The following OAS2 variants were observed in gnomAD, a reference collection of about 807,000 sequenced individuals.
OAS2 encodes the protein 2'-5'-oligoadenylate synthase 2.
In OAS2, 67 loss-of-function variants were observed where a neutral mutation model predicts 71.3. The observed-to-expected ratio is 0.94, with a 90% CI of 0.77 to 1.15. The LOEUF (loss-of-function observed/expected upper bound fraction) is 1.15. Ranked by LOEUF, OAS2 falls within the 50% of genes most tolerant of loss-of-function variation. The pLI is 0.00. For synonymous variants in OAS2, 327 were observed against 321.8 expected (o/e 1.02, Z -0.17); for missense variants, 789 against 822.5 (o/e 0.96, Z 0.50).
chr12:112,991,392 G>A (rs1321568563), intron 2 of OAS2, among the ~76,000 whole-genome samples: 1 of 152,218 alleles, frequency 6.6e-6, no homozygotes, highest in Non-Finnish European at 1.5e-5. Context: ...TTGAGGATGC[G>A]CACCCGTAAC....
At chr12:112,999,901 C>G (rs1293753) in intron 5 of OAS2, among the ~76,000 whole-genome samples, 1 of 152,134 alleles carries the variant, frequency 6.6e-6, no homozygotes, top group Non-Finnish European at 1.5e-5. Flanking sequence ...GTTGTTGTTA[C>G]AGTTGTTTTT....
At chr12:113,004,293 C>T (rs1263120076) in intron 6 of OAS2, among the ~76,000 whole-genome samples, 1 of 152,134 alleles carries the variant, frequency 6.6e-6, no homozygotes, top group African/African-American at 2.4e-5. Flanking sequence ...CTTTCCTCAC[C>T]TCCTTAACCC....
chr12:113,005,950 A>C (rs2044331167), intron 7 of OAS2, among the ~76,000 whole-genome samples: 2 of 144,244 alleles, frequency 1.4e-5, no homozygotes, highest in South Asian at 4.4e-4. Flanking sequence ...AAAAAAAAAA[A>C]ACAAGAAGCA....
Position 113,010,110 on chromosome 12 carries a change from G to A in OAS2, c.*855G>A, listed in dbSNP as rs1214827678. On this transcript the variant is annotated 3_prime_UTR_variant, in exon 10 of 10. Coordinates refer to ENST00000392583, the MANE Select transcript of OAS2 (RefSeq NM_002535.3). ...TAAAAGTGTCTTGAGACTTTATCAT[G>A]TGTCTTCTGCCCTAGGTGAGAACCC... is the stretch of plus-strand genomic sequence containing the variant. 42 of 1,139,806 alleles carry A rather than the reference G, an allele frequency of 3.7e-5. No individual in the cohort carries two copies. Among genetic ancestry groups the A allele is most frequent in the Admixed American group, 9.0e-5 (2 of 22,212 alleles). 70.6% of individuals were successfully genotyped at this position (1,139,806 alleles called of 1,614,324 possible). A position where few individuals can be genotyped will look rare whatever the true frequency, so the allele number is the denominator to read the frequency against.
intron 1 of OAS2, among the ~76,000 whole-genome samples, chr12:112,985,955 G>A (rs114510816): frequency 0.014 from 2,104 of 152,282 alleles, 54 homozygotes; most frequent in African/African-American, 0.048. Flanking sequence ...CTAGGTGACA[G>A]AGCAAGACCC....
chr12:112,983,025 C>CT (rs1354768841), intron 1 of OAS2, among the ~76,000 whole-genome samples: 1 of 152,062 alleles, frequency 6.6e-6, no homozygotes. Context: ...GTAATGTCTC[C>CT]TTTTTTATCC....
intron 1 of OAS2, among the ~76,000 whole-genome samples, chr12:112,979,428 T>G (rs2044058914): frequency 6.6e-6 from 1 of 152,134 alleles, no homozygotes; most frequent in African/African-American, 2.4e-5. Context: ...CACTTTTTGG[T>G]CTCTACCCCT....
rs1042743639 is a variant in OAS2, at chr12:113,009,170, C to T, written c.1979C>T (p.Ala660Val). The part of the protein sequence containing the change: ...RWCWHLLAKE[A>V]KEWLSSPCFK... ...TGTTGGCATCTTCTGGCAAAAGAAG[C>T]AAAGGAATGGTTATCCTCTCCCTGC... The change falls in exon 10 of 10, where the codon GCA (alanine) becomes GTA (valine). Residue 660 changes from alanine (A) to valine (V), a missense_variant. Transcript: ENST00000392583. 5.0e-6 allele frequency: 8 copies of T among 1,614,078 alleles called. No individual in the cohort carries two copies. The highest frequency in any genetic ancestry group is 2.2e-5 in the East Asian group (1 of 44,884).
chr12:112,979,763 C>G (rs557903729), intron 1 of OAS2, among the ~76,000 whole-genome samples: 1 of 152,160 alleles, frequency 6.6e-6, no homozygotes, highest in Non-Finnish European at 1.5e-5. Flanking sequence ...CCTGGGCCCC[C>G]GATCCAGTCA....
rs1255169491 is a variant in OAS2 at position 113,009,505 on chromosome 12, G to A, written c.*250G>A. On this transcript the variant is annotated 3_prime_UTR_variant, in exon 10 of 10. Coordinates refer to ENST00000392583, the MANE Select transcript of OAS2 (RefSeq NM_002535.3). ...AGATGCCACTAGCCCTCCTCTCCCA[G>A]TGACAACCAAAAGTCTTCAGACATT... is the stretch of plus-strand genomic sequence containing the variant. 3 of 1,184,186 alleles carry A rather than the reference G, an allele frequency of 2.5e-6. No homozygotes were observed. The African/African-American group carries it at 4.8e-5, about 19-fold the overall frequency. 73.4% of individuals were successfully genotyped at this position (1,184,186 alleles called of 1,614,324 possible). A position where few individuals can be genotyped will look rare whatever the true frequency, so the allele number is the denominator to read the frequency against.
chr12:112,986,384 G>C (rs1370897772), intron 1 of OAS2, among the ~76,000 whole-genome samples: 2 of 152,206 alleles, frequency 1.3e-5, no homozygotes, highest in Non-Finnish European at 1.5e-5. Flanking sequence ...GGGCCCCCAG[G>C]TGGCTTGTTT....
At chr12:112,979,137 G>A (rs1429674955) in intron 1 of OAS2, among the ~76,000 whole-genome samples, 1 of 152,218 alleles carries the variant, frequency 6.6e-6, no homozygotes, top group Non-Finnish European at 1.5e-5. Context: ...CCTCTCCACA[G>A]TACAGAGGAG....
chr12:113,008,052 G>C, intron 9 of OAS2, 109 bp downstream of exon 9: 1 of 804,204 alleles, frequency 1.2e-6, no homozygotes, highest in Non-Finnish European at 2.1e-6. Context: ...TGCATGACGG[G>C]GGAAAGTGCT....
At position 112,988,755 on chromosome 12, in the gene OAS2, G is replaced by T. The variant is rs565512275; in HGVS notation, c.448+1447G>T. ...ATTCCTCCTTCTCCTTTCTGAGGAT[G>T]CCCTACCCTGTAACAAAGTCGTTTC... is the stretch of plus-strand genomic sequence containing the variant. On this transcript the variant is annotated intron_variant, in intron 2 of 9. Coordinates refer to ENST00000392583, the MANE Select transcript of OAS2 (RefSeq NM_002535.3). The T allele has an allele frequency of 8.1e-6, 8 of 982,790 alleles. No individual in the cohort carries two copies. The African/African-American group carries it at 1.2e-4, about 15-fold the overall frequency. The allele number at this position is 982,790 out of a possible 1,614,324, so 60.9% of individuals were successfully genotyped here. A position where few individuals can be genotyped will look rare whatever the true frequency, so the allele number is the denominator to read the frequency against.
rs912877350 is a variant in OAS2, at chr12:113,010,726, AT to A, written c.*1479del. 102 of 334,690 alleles carry A rather than the reference AT, an allele frequency of 3.0e-4. No individual in the cohort carries two copies. Among genetic ancestry groups the A allele is most frequent in the African/African-American group, 1.7e-3 (80 of 46,536 alleles). The allele number at this position is 334,690 out of a possible 1,614,324, so 20.7% of individuals were successfully genotyped here. On this transcript the variant is annotated 3_prime_UTR_variant, in exon 10 of 10. Transcript: ENST00000392583. The stretch of plus-strand genomic sequence containing the variant: ...GTGCATCTTATTTCTGTCAACTTGT[AT>A]TTTTTTTCTTGTATTTTTCCAATTA...
At chr12:112,996,025 C>G (rs2044229841) in intron 3 of OAS2, among the ~76,000 whole-genome samples, 2 of 152,188 alleles carry the variant, frequency 1.3e-5, no homozygotes, top group Admixed American at 1.3e-4. Context: ...TGGTCTTGAA[C>G]TCCTGGGCTC....
chr12:113,003,427 T>C (rs2044306458), intron 6 of OAS2, among the ~76,000 whole-genome samples: 1 of 152,140 alleles, frequency 6.6e-6, no homozygotes, highest in Admixed American at 6.5e-5. Flanking sequence ...CCTTCTCTTC[T>C]TTTCTAAGAA....
At position 112,998,175 on chromosome 12, in the gene OAS2, C is replaced by T. The variant is rs933793804; in HGVS notation, c.864-91C>T. The T allele has an allele frequency of 4.7e-5, 66 of 1,413,458 alleles. No homozygotes were observed. In the Admixed American group the frequency reaches 6.8e-4, roughly 15 times the overall value. The allele number at this position is 1,413,458 out of a possible 1,614,324, so 87.6% of individuals were successfully genotyped here. A position where few individuals can be genotyped will look rare whatever the true frequency, so the allele number is the denominator to read the frequency against. On this transcript the variant is annotated intron_variant, in intron 4 of 9. Transcript: ENST00000392583. ...CTGCAGGAATCCAAATTCAAGTTGC[C>T]GGATTCCCACTCCAGGCCTCTTTCC...
chr12:112,995,246 T>C, intron 2 of OAS2, 50 bp from the exon 3 acceptor site: 1 of 1,554,084 alleles, frequency 6.4e-7, no homozygotes, highest in Non-Finnish European at 8.7e-7. Context: ...CCTGGCTCTC[T>C]AAAACCAGGT....
Sources: gnomAD v4.1 joint callset for allele counts (sites outside exome capture counted in the v4.1 genomes callset) on GRCh38, gnomAD v4.1.1 for gene constraint, MANE v1.5 for transcripts, NCBI Gene and HGNC (gene_info 2026-07-23, HGNC 2026-07-21) for gene names.